Variants in DENND2D observed in about 807,000 individuals in gnomAD.
DENND2D encodes the protein DENN domain-containing protein 2D.
A neutral mutation model predicts 59.8 loss-of-function variants in DENND2D; 37 were observed. The ratio of observed to expected loss-of-function variants is 0.62; its 90% CI spans 0.48 to 0.81. The LOEUF is 0.81. Ranked by LOEUF, DENND2D falls within the 40% of genes least tolerant of loss-of-function variation. The pLI, the probability that DENND2D is intolerant of heterozygous loss-of-function variation, is 0.00. For missense variants in DENND2D, 525 were observed against 579.7 expected, an observed-to-expected ratio of 0.91 and a Z score of 0.97; for synonymous variants, 219 against 211.3, an observed-to-expected ratio of 1.04 and a Z score of -0.31.
chr1:111,189,337 G>A (rs1157402822), intron 8 of DENND2D, 84 bp from the exon 9 acceptor site: 1 of 1,483,282 alleles, frequency 6.7e-7, no homozygotes, highest in East Asian at 2.3e-5. Context: ...TCTGCCTGTG[G>A]CTGTATCTTT....
upstream of DENND2D, among the ~76,000 whole-genome samples, chr1:111,201,787 C>A (rs1658830039): frequency 6.6e-6 from 1 of 152,198 alleles, no homozygotes; most frequent in African/African-American, 2.4e-5. Flanking sequence ...GAGCTCTAGA[C>A]CTGGCTTCTG....
chr1:111,187,582 G>T lies in DENND2D; in HGVS notation c.*23C>A. The T allele has an allele frequency of 1.2e-6, 2 of 1,600,726 alleles. No individual in the cohort carries two copies. Among genetic ancestry groups the T allele is most frequent in the Non-Finnish European group, 1.7e-6 (2 of 1,168,020 alleles). On this transcript the variant is annotated 3_prime_UTR_variant, in exon 12 of 12. Coordinates refer to ENST00000357640, the MANE Select transcript of DENND2D (RefSeq NM_024901.5). ...AGTCCAGAAATGGTGTGTAGCTCTA[G>T]TCATTCTTATTCACCACAGCTCTTA...
chr1:111,194,362 C>A (rs1049837890), intron 7 of DENND2D, among the ~76,000 whole-genome samples: 1 of 152,218 alleles, frequency 6.6e-6, no homozygotes, highest in Non-Finnish European at 1.5e-5. Context: ...AAGTCAGGAG[C>A]ATTCCTCAGG....
chr1:111,204,457 C>G (rs1446497973), upstream of DENND2D: 1 of 1,192,240 alleles, frequency 8.4e-7, no homozygotes, highest in Admixed American at 4.2e-5. Context: ...CGGGGGGAGG[C>G]CTAGGGGACA....
intron 4 of DENND2D, 114 bp downstream of exon 4, chr1:111,197,806 T>C (rs1430890585): frequency 1.3e-6 from 2 of 1,535,406 alleles, no homozygotes; most frequent in Non-Finnish European, 1.8e-6. Flanking sequence ...CTGTGCTTTT[T>C]CTACAACCAG....
rs112822665 is a variant in DENND2D at position 111,187,817 on chromosome 1, G to GC, written c.1340-137_1340-136insG. ...TGCCAGGATGTCTCTGGCCTCACAG[G>GC]TTCTGGAGATCCAGACATTCAGTTT... On this transcript the variant is annotated intron_variant, in intron 11 of 11. Coordinates refer to ENST00000357640, the MANE Select transcript of DENND2D (RefSeq NM_024901.5). 7,004 of 784,130 alleles carry GC rather than the reference G, an allele frequency of 8.9e-3. 261 individuals are homozygous for GC. The African/African-American group carries it at 0.091, about 10-fold the overall frequency. 48.6% of individuals were successfully genotyped at this position (784,130 alleles called of 1,614,324 possible).
At chr1:111,204,411 CTT>C, upstream of DENND2D, 1 of 1,336,620 alleles carries the variant, frequency 7.5e-7, no homozygotes, top group East Asian at 3.1e-5. Context: ...CCCCCCTATC[CTT>C]GACCTCCGCG....
intron 2 of DENND2D, among the ~76,000 whole-genome samples, chr1:111,199,387 C>T (rs1306051932): frequency 1.3e-5 from 2 of 152,184 alleles, no homozygotes; most frequent in South Asian, 2.1e-4. Context: ...AGCCTAGTTT[C>T]CCTGCTAGGA....
chr1:111,200,092 A>G (rs638825), intron 1 of DENND2D: 4 of 563,962 alleles, frequency 7.1e-6, no homozygotes, highest in East Asian at 6.0e-5. Context: ...AGGGTACCAC[A>G]GAGACTGCCT....
Position 111,188,703 on chromosome 1 carries a change from C to G in DENND2D, c.1098G>C (p.Lys366Asn), listed in dbSNP as rs1308833202. Residue 366 changes from lysine to asparagine, a missense_variant and splice_region_variant, in exon 10 of 12, where the codon AAG (lysine) becomes AAC (asparagine). Lys to Asn is a moderately conservative substitution (Grantham distance 94). Transcript: ENST00000357640. ...DSLGQGINELKTAEQINEHVS... is the reference protein window; with the variant it reads ...DSLGQGINELNTAEQINEHVS... ...CCCAAAATAAGAGTAAGGACTTACT[C>G]TTTAACTCATTGATCCCCTGACCAA... 3 of 1,613,494 alleles carry G rather than the reference C, an allele frequency of 1.9e-6. No homozygotes were observed. Among genetic ancestry groups the G allele is most frequent in the Non-Finnish European group, 2.5e-6 (3 of 1,179,568 alleles).
At chr1:111,188,438 G>A in intron 10 of DENND2D, 68 bp from the exon 11 acceptor site, 1 of 1,581,750 alleles carries the variant, frequency 6.3e-7, no homozygotes, top group Admixed American at 1.8e-5. Flanking sequence ...TCACCTTCAA[G>A]AATGGCTTTC....
chr1:111,189,321 T>C, intron 8 of DENND2D, 68 bp from the exon 9 acceptor site: 5 of 1,567,446 alleles, frequency 3.2e-6, no homozygotes, highest in Non-Finnish European at 3.5e-6. Flanking sequence ...ATTTACCGTC[T>C]TGATTTCTGC....
In DENND2D at chr1:111,195,951, T is replaced by C. The variant is rs1281300342; in HGVS notation, c.610A>G (p.Thr204Ala). Reference protein sequence around the residue: ...AAFPAPGKTVTLKSFIPDSGT... With the variant: ...AAFPAPGKTVALKSFIPDSGT... ...GAGTCGGGGATGAAGCTCTTGAGAGTGACAGTCTTCCCAGGAGCAGGGAAG... is the reference window on the plus strand; with the variant it reads ...GAGTCGGGGATGAAGCTCTTGAGAGCGACAGTCTTCCCAGGAGCAGGGAAG... Residue 204 changes from threonine (T) to alanine (A), a missense_variant, in exon 6 of 12, where the codon ACT becomes GCT. Around this residue, in one of 3 missense-constraint regions of DENND2D, gnomAD observed 47 missense variants for 80.9 expected, o/e 0.58. Coordinates refer to ENST00000357640, the MANE Select transcript of DENND2D (RefSeq NM_024901.5). 6.2e-7 allele frequency: 1 copy of C among 1,613,932 alleles called. No homozygotes were observed. Among genetic ancestry groups the C allele is most frequent in the South Asian group, 1.1e-5 (1 of 91,072 alleles).
chr1:111,191,993 T>C, intron 8 of DENND2D, 147 bp downstream of exon 8: 2 of 792,392 alleles, frequency 2.5e-6, no homozygotes, highest in Non-Finnish European at 3.8e-6. Flanking sequence ...AAGTGAACAC[T>C]GTTATCCCCA....
chr1:111,192,416 C>T (rs905346427), intron 7 of DENND2D, 99 bp from the exon 8 acceptor site: 8 of 1,277,770 alleles, frequency 6.3e-6, no homozygotes, highest in African/African-American at 1.5e-5. Flanking sequence ...AGCAGTGCTG[C>T]CCATGCCCAT....
Position 111,200,501 on chromosome 1 carries a change from C to T in DENND2D, c.-42G>A, listed in dbSNP as rs1658699748. 1 of 1,577,768 alleles carries T rather than the reference C, an allele frequency of 6.3e-7. No individual in the cohort carries two copies. Among genetic ancestry groups the T allele is most frequent in the African/African-American group, 1.4e-5 (1 of 73,890 alleles). On this transcript the variant is annotated 5_prime_UTR_variant, in exon 1 of 12. Transcript: ENST00000357640. ...CAGAGCGGACTCCCCTCTCCCCTAA[C>T]ACAGACAGACTGGTGACAGTAAGCC...
In DENND2D at chr1:111,189,209, T is replaced by C; in HGVS notation, c.1014+3A>G. 1 of 1,614,142 alleles carries C rather than the reference T, an allele frequency of 6.2e-7. No homozygotes were observed. Among genetic ancestry groups the C allele is most frequent in the Non-Finnish European group, 8.5e-7 (1 of 1,179,990 alleles). On this transcript the variant is annotated splice_donor_region_variant and intron_variant, in intron 9 of 11. Coordinates refer to ENST00000357640, the MANE Select transcript of DENND2D (RefSeq NM_024901.5). ...TGCAGGGGATCTGAACCCAGACACT[T>C]ACCGACATTAAGAAGGTTCCTTCAC...
intron 7 of DENND2D, 61 bp from the exon 8 acceptor site, chr1:111,192,378 C>A: frequency 6.9e-7 from 1 of 1,447,022 alleles, no homozygotes; most frequent in Non-Finnish European, 9.2e-7. Flanking sequence ...CTACACACCC[C>A]TCATCGCCCA....
chr1:111,200,091 C>G (rs1006306064), intron 1 of DENND2D: 1 of 583,372 alleles, frequency 1.7e-6, no homozygotes, highest in Non-Finnish European at 3.0e-6. Context: ...CAGGGTACCA[C>G]AGAGACTGCC....
Sources: allele counts gnomAD v4.1 joint callset (sites outside exome capture counted in the v4.1 genomes callset), GRCh38; gene constraint gnomAD v4.1.1; regional missense constraint gnomAD v4.1.1; transcripts MANE v1.5; gene names NCBI Gene and HGNC (gene_info 2026-07-23, HGNC 2026-07-21).